Variants in ADAMTS6 observed in about 807,000 individuals in gnomAD.
The protein encoded by ADAMTS6 is A disintegrin and metalloproteinase with thrombospondin motifs 6.
In ADAMTS6, 23 loss-of-function variants were observed where a neutral mutation model predicts 144.3. That is an observed-to-expected ratio of 0.16 (90% CI 0.11 to 0.23). The LOEUF (loss-of-function observed/expected upper bound fraction) is 0.23, where lower values mean the gene tolerates loss of function less well. Ranked by LOEUF, ADAMTS6 falls within the 10% of genes least tolerant of loss-of-function variation. The pLI, the probability that ADAMTS6 is intolerant of heterozygous loss-of-function variation, is 1.00. For synonymous variants in ADAMTS6, 444 were observed against 457.5 expected (o/e 0.97, Z 0.38); for missense variants, 999 against 1,379.6 (o/e 0.72, Z 4.37).
intron 8 of ADAMTS6, among the ~76,000 whole-genome samples, chr5:65,329,878 T>A (rs1432465587): frequency 6.6e-6 from 1 of 152,086 alleles, no homozygotes; most frequent in Non-Finnish European, 1.5e-5. Context: ...GTTTAGTGGG[T>A]TCATAAAAAT....
chr5:65,377,406 C>T (rs1751663806), intron 7 of ADAMTS6, among the ~76,000 whole-genome samples: 1 of 152,094 alleles, frequency 6.6e-6, no homozygotes, highest in African/African-American at 2.4e-5. Context: ...TTCTAGACTG[C>T]CAAACAAGCT....
chr5:65,412,805 T>C (rs1319057204), intron 7 of ADAMTS6, among the ~76,000 whole-genome samples: 6 of 152,186 alleles, frequency 3.9e-5, no homozygotes, highest in Non-Finnish European at 8.8e-5. Flanking sequence ...AATTGAAAAT[T>C]AGCAGTTGAA....
In ADAMTS6 at chr5:65,262,806, T is replaced by C; in HGVS notation, c.1766+11A>G. ...TCTTTTTGTTGGCTCCGGCTTACTT[T>C]AGCTACTTACGCTGGACTGTCACAG... On this transcript the variant is annotated intron_variant, in intron 13 of 24. Coordinates refer to ENST00000381055, the MANE Select transcript of ADAMTS6 (RefSeq NM_197941.4). 3 of 1,493,350 alleles carry C rather than the reference T, an allele frequency of 2.0e-6. No homozygotes were observed. Among genetic ancestry groups the C allele is most frequent in the Non-Finnish European group, 2.7e-6 (3 of 1,125,498 alleles). The allele number at this position is 1,493,350 out of a possible 1,614,324, so 92.5% of individuals were successfully genotyped here.
intron 24 of ADAMTS6, among the ~76,000 whole-genome samples, chr5:65,154,419 CACTTA>C (rs1291054245): frequency 6.6e-6 from 1 of 152,196 alleles, no homozygotes; most frequent in Non-Finnish European, 1.5e-5. Flanking sequence ...AGTTAGTTCC[CACTTA>C]ACTTGATTGG....
intron 12 of ADAMTS6, among the ~76,000 whole-genome samples, chr5:65,264,476 G>T (rs897883300): frequency 2.0e-4 from 30 of 152,078 alleles, no homozygotes; most frequent in Non-Finnish European, 7.4e-5. Flanking sequence ...TCAACAGAGA[G>T]ATCTTTCCTT....
At chr5:65,309,685 T>C (rs903072575) in intron 9 of ADAMTS6, among the ~76,000 whole-genome samples, 2 of 152,154 alleles carry the variant, frequency 1.3e-5, no homozygotes, top group African/African-American at 2.4e-5. Context: ...GAATACTTTG[T>C]TCTACAATTT....
intron 7 of ADAMTS6, among the ~76,000 whole-genome samples, chr5:65,449,156 A>G (rs1041665304): frequency 6.6e-6 from 1 of 152,216 alleles, no homozygotes; most frequent in Non-Finnish European, 1.5e-5. Context: ...TGAAACTTTA[A>G]TAAGAGTTCA....
chr5:65,385,822 T>C (rs1227663104), intron 7 of ADAMTS6, among the ~76,000 whole-genome samples: 1 of 152,120 alleles, frequency 6.6e-6, no homozygotes, highest in Non-Finnish European at 1.5e-5. Flanking sequence ...GAATTTAAAA[T>C]TAACATAAGA....
intron 4 of ADAMTS6, 143 bp from the exon 5 acceptor site, chr5:65,453,061 G>GA: frequency 1.8e-6 from 1 of 566,530 alleles, no homozygotes; most frequent in Non-Finnish European, 2.8e-6. Context: ...GCAGTAGTGA[G>GA]AAAAAAGTCT....
In ADAMTS6 at chr5:65,478,020, A is replaced by G. The variant is rs1470132006; in HGVS notation, c.-280+3323T>C. 1.5e-4 allele frequency among the ~76,000 whole-genome samples: 23 copies of G among 151,960 alleles called. 1 individual carries two copies. The South Asian group carries it at 1.7e-3, about 11-fold the overall frequency. ...TGCGCACCTGTAATCCCAGCTACTC[A>G]GGGGGCTGAGGCAAGAGAATCACCT... On this transcript the variant is annotated intron_variant, in intron 1 of 24. Coordinates refer to ENST00000381055, the MANE Select transcript of ADAMTS6 (RefSeq NM_197941.4).
At chr5:65,253,588 T>C (rs6869670) in intron 14 of ADAMTS6, among the ~76,000 whole-genome samples, 31,402 of 152,040 alleles carry the variant, frequency 0.21, 4,659 homozygotes, top group African/African-American at 0.42. Context: ...GGAAGCTGGT[T>C]TGATAAAAGA....
intron 11 of ADAMTS6, among the ~76,000 whole-genome samples, chr5:65,275,403 GAAAGAAAGAA>G (rs1561364393): frequency 2.5e-5 from 3 of 119,558 alleles, no homozygotes; most frequent in African/African-American, 6.3e-5. Context: ...AAGAAAGAAA[GAAAGAAAGAA>G]AGAAAAGAAA....
intron 2 of ADAMTS6, among the ~76,000 whole-genome samples, chr5:65,472,149 C>T (rs1760492508): frequency 6.6e-6 from 1 of 152,152 alleles, no homozygotes; most frequent in African/African-American, 2.4e-5. Context: ...AGTTCATTAT[C>T]TAACATTTAA....
rs1284477000 is a variant in ADAMTS6, at chr5:65,151,549, C to T, written c.*287G>A. 1.4e-5 allele frequency: 5 copies of T among 348,074 alleles called. No individual in the cohort carries two copies. Among genetic ancestry groups the T allele is most frequent in the Admixed American group, 4.2e-5 (1 of 23,876 alleles). 21.6% of individuals were successfully genotyped at this position (348,074 alleles called of 1,614,324 possible). On this transcript the variant is annotated 3_prime_UTR_variant, in exon 25 of 25. Coordinates refer to ENST00000381055, the MANE Select transcript of ADAMTS6 (RefSeq NM_197941.4). ...AGGTAAACAGGCTATTGGATTTACT[C>T]GAAAGAACACAAACGCTCCACAGTA...
At chr5:65,207,642 T>C (rs1756201684) in intron 20 of ADAMTS6, among the ~76,000 whole-genome samples, 1 of 152,236 alleles carries the variant, frequency 6.6e-6, no homozygotes, top group Non-Finnish European at 1.5e-5. Flanking sequence ...TGAATATTGC[T>C]GCATTCTGCA....
At chr5:65,428,948 G>C (rs1217189674) in intron 7 of ADAMTS6, among the ~76,000 whole-genome samples, 3 of 152,074 alleles carry the variant, frequency 2.0e-5, no homozygotes, top group African/African-American at 7.2e-5. Context: ...ACATTGATGG[G>C]GTTCAGGACA....
intron 9 of ADAMTS6, among the ~76,000 whole-genome samples, chr5:65,316,491 T>C (rs555945163): frequency 6.6e-6 from 1 of 152,282 alleles, no homozygotes; most frequent in Non-Finnish European, 1.5e-5. Flanking sequence ...GTTATATCTG[T>C]AATTACATTG....
At chr5:65,288,354 G>GTCA (rs1172615403) in intron 11 of ADAMTS6, among the ~76,000 whole-genome samples, 2 of 145,172 alleles carry the variant, frequency 1.4e-5, no homozygotes, top group African/African-American at 5.2e-5. Flanking sequence ...TCCCTCTGTA[G>GTCA]CCCAGGCTGG....
At chr5:65,302,331 A>G (rs1580341309) in intron 9 of ADAMTS6, among the ~76,000 whole-genome samples, 1 of 145,474 alleles carries the variant, frequency 6.9e-6, no homozygotes, top group South Asian at 2.1e-4. Context: ...ACATGTATAT[A>G]TTATATACAT....
Sources: allele counts gnomAD v4.1 joint callset (sites outside exome capture counted in the v4.1 genomes callset), GRCh38; gene constraint gnomAD v4.1.1; transcripts MANE v1.5; gene names NCBI Gene and HGNC (gene_info 2026-07-23, HGNC 2026-07-21).